Variants in SYNE2 observed in about 807,000 individuals in gnomAD.
SYNE2 encodes spectrin repeat containing nuclear envelope protein 2.
SYNE2 carries 431 observed loss-of-function variants against 856.3 expected under a neutral mutation model. The observed-to-expected ratio is 0.50, with a 90% confidence interval of 0.47 to 0.55. The LOEUF is 0.55. Among genes scored for constraint, SYNE2 ranks in the 20% least tolerant of loss-of-function variants. The pLI, the probability that SYNE2 is intolerant of heterozygous loss-of-function variation, is 0.00. For missense variants in SYNE2, 8,129 were observed against 8,023.2 expected (o/e 1.01, Z -0.50); for synonymous variants, 2,923 against 2,872.3 (o/e 1.02, Z -0.56).
At chr14:64,063,955 A>G (rs2097337622) in intron 50 of SYNE2, among the ~76,000 whole-genome samples, 1 of 152,242 alleles carries the variant, frequency 6.6e-6, no homozygotes, top group Non-Finnish European at 1.5e-5. Context: ...TTTATAAATT[A>G]AAGTGCAGTC....
At chr14:63,828,058 G>C (rs1336781910) in intron 1 of SYNE2, among the ~76,000 whole-genome samples, 2 of 151,166 alleles carry the variant, frequency 1.3e-5, no homozygotes, top group Non-Finnish European at 2.9e-5. Context: ...TTAGCCAGGT[G>C]TGGTGGTGCA....
chr14:64,150,351 C>CTG (rs1409270593), intron 84 of SYNE2, among the ~76,000 whole-genome samples: 1 of 139,998 alleles, frequency 7.1e-6, no homozygotes, highest in Non-Finnish European at 1.5e-5. Context: ...TCTCAAGTAG[C>CTG]TGGGACTGTA....
At chr14:64,209,703 A>G in intron 102 of SYNE2, 125 bp downstream of exon 102, 4 of 1,379,554 alleles carry the variant, frequency 2.9e-6, no homozygotes, top group South Asian at 1.2e-5. Flanking sequence ...TGCCTAAACC[A>G]CAGCCTGCCC....
At chr14:63,792,811 C>G (rs1887782611) in intron 1 of SYNE2, among the ~76,000 whole-genome samples, 1 of 151,942 alleles carries the variant, frequency 6.6e-6, no homozygotes, top group South Asian at 2.1e-4. Flanking sequence ...TCCCAAGTAG[C>G]TAGGACTACA....
At chr14:63,976,537 GTTCT>G (rs2096544293) in intron 11 of SYNE2, 22 bp from the exon 12 acceptor site, 4 of 1,301,054 alleles carry the variant, frequency 3.1e-6, no homozygotes, top group African/African-American at 2.0e-5. Flanking sequence ...TGAAGAATAT[GTTCT>G]TTTTTTTTTT....
chr14:63,961,421 C>A, intron 8 of SYNE2, 104 bp from the exon 9 acceptor site: 2 of 957,638 alleles, frequency 2.1e-6, no homozygotes, highest in Non-Finnish European at 3.3e-6. Context: ...GGTGCATTTC[C>A]AGAGCCTGTG....
intron 64 of SYNE2, 43 bp from the exon 65 acceptor site, chr14:64,107,448 C>T (rs768809236): frequency 1.3e-6 from 2 of 1,537,516 alleles, no homozygotes; most frequent in Admixed American, 3.3e-5. Context: ...CATGTGGCAC[C>T]AGGGCAGGAC....
At chr14:63,942,493 AT>A (rs532612966) in intron 6 of SYNE2, among the ~76,000 whole-genome samples, 556 of 139,026 alleles carry the variant, frequency 4.0e-3, no homozygotes, top group Middle Eastern at 0.016. Context: ...TAATTTTCGT[AT>A]TTTTTTTTTC....
At chr14:64,213,954 T>TGATAA (rs1419983882) in intron 105 of SYNE2, among the ~76,000 whole-genome samples, 1 of 152,242 alleles carries the variant, frequency 6.6e-6, no homozygotes, top group Non-Finnish European at 1.5e-5. Flanking sequence ...CTTCAGCTTT[T>TGATAA]TTTTCCTAAG....
intron 87 of SYNE2, among the ~76,000 whole-genome samples, chr14:64,159,815 C>T (rs2098314196): frequency 6.6e-6 from 1 of 152,092 alleles, no homozygotes; most frequent in South Asian, 2.1e-4. Context: ...TCACTGGAAA[C>T]ATTATAAGGT....
At position 63,781,093 on chromosome 14, in the gene SYNE2, A is replaced by G. The variant is rs373175726; in HGVS notation, c.-305+19107A>G. 6.8e-4 allele frequency among the ~76,000 whole-genome samples: 103 copies of G among 152,296 alleles called. 1 individual carries two copies. In the South Asian group the frequency reaches 0.016, roughly 24 times the overall value. ...GGAATTCGAGACCAGCCTGATCAAC[A>G]TGGAGAAACCTTGTCTCTACTAAAA... On this transcript the variant is annotated intron_variant, in intron 1 of 23. Transcript: ENST00000674003.
intron 64 of SYNE2, among the ~76,000 whole-genome samples, chr14:64,103,554 C>T (rs1269569318): frequency 1.3e-5 from 2 of 152,138 alleles, no homozygotes; most frequent in Non-Finnish European, 2.9e-5. Flanking sequence ...ATAAACCTCT[C>T]ACTCCTGCCT....
In SYNE2 at chr14:64,052,715, A is replaced by G. The variant is rs771953718; in HGVS notation, c.8802A>G (p.Thr2934=). The G allele has an allele frequency of 5.6e-6, 9 of 1,613,664 alleles. No individual in the cohort carries two copies. The highest frequency in any genetic ancestry group is 1.1e-5 in the South Asian group (1 of 91,010). ...GAATACAAAGATTCATTCAGAATAC[A>G]TGTAATGAAGTGGAACACAAGATAA... The part of the protein sequence containing the change: ...TNRIQRFIQN[T]CNEVEHKIKF... The change falls in exon 48 of 116, where the codon ACA becomes ACG. Residue 2934 remains threonine (T), a synonymous_variant. Coordinates refer to ENST00000555002, the MANE Select transcript of SYNE2 (RefSeq NM_182914.3).
chr14:63,974,894 A>ATATATATATGTG (rs1954912540), intron 11 of SYNE2, among the ~76,000 whole-genome samples: 3 of 22,644 alleles, frequency 1.3e-4, no homozygotes, highest in African/African-American at 6.8e-4. Context: ...GTGTGTGTGT[A>ATATATATATGTG]TATATATATA....
chr14:63,783,238 TCTC>T (rs1887384937), intron 1 of SYNE2, among the ~76,000 whole-genome samples: 1 of 152,148 alleles, frequency 6.6e-6, no homozygotes, highest in Non-Finnish European at 1.5e-5. Flanking sequence ...CTGCGCTAAT[TCTC>T]CTTTTTGCGG....
At chr14:63,861,593 C>A (rs1356895362) in intron 1 of SYNE2, among the ~76,000 whole-genome samples, 3 of 147,666 alleles carry the variant, frequency 2.0e-5, no homozygotes, top group African/African-American at 7.6e-5. Flanking sequence ...GAGTTTGAGA[C>A]CAGCCTGGGC....
chr14:64,170,216 G>C lies in SYNE2; in HGVS notation c.17001-12G>C. The stretch of plus-strand genomic sequence containing the variant: ...CGATGTCTGGATTCTATAACCATTT[G>C]TTTTTCCCCAGACCAGAATTTATTA... On this transcript the variant is annotated splice_polypyrimidine_tract_variant and intron_variant, in intron 93 of 115. Transcript: ENST00000555002. The C allele has an allele frequency of 1.9e-6, 3 of 1,612,470 alleles. No homozygotes were observed. Among genetic ancestry groups the C allele is most frequent in the Non-Finnish European group, 2.5e-6 (3 of 1,179,264 alleles).
At chr14:64,155,600 G>A (rs377699458) in intron 85 of SYNE2, among the ~76,000 whole-genome samples, 21 of 151,908 alleles carry the variant, frequency 1.4e-4, no homozygotes, top group East Asian at 7.7e-4. Flanking sequence ...CGCAGAAGGC[G>A]TGAGGCACAG....
intron 87 of SYNE2, among the ~76,000 whole-genome samples, chr14:64,160,700 A>C (rs1057501410): frequency 6.6e-6 from 1 of 152,210 alleles, no homozygotes. Flanking sequence ...TTCATGTTAG[A>C]ATGTAAATAT....
Sources: gnomAD v4.1 joint callset for allele counts (sites outside exome capture counted in the v4.1 genomes callset) on GRCh38, gnomAD v4.1.1 for gene constraint, MANE v1.5 for transcripts, NCBI Gene and HGNC (gene_info 2026-07-23, HGNC 2026-07-21) for gene names.